RS1: variants seen among roughly 807,000 people sequenced by gnomAD.
The protein encoded by RS1 is retinoschisin.
RS1 carries 2 observed loss-of-function variants against 20.8 expected under a neutral mutation model. The observed-to-expected ratio is 0.10, with a 90% CI of 0.04 to 0.30. RS1 has a LOEUF of 0.30. RS1 is among the 10% of genes least tolerant of loss of function. RS1 has a pLI of 1.00. For synonymous variants in RS1, 70 were observed against 75.8 expected, an observed-to-expected ratio of 0.92 and a Z score of 0.40; for missense variants, 151 against 189.8, an observed-to-expected ratio of 0.80 and a Z score of 1.20.
intron 1 of RS1, among the ~76,000 whole-genome samples, chrX:18,666,876 G>A (rs752138127): frequency 9.0e-6 from 1 of 111,088 alleles, no homozygotes; most frequent in East Asian, 2.9e-4. Context: ...CGGGCGGAAG[G>A]GGAAGAAGGT....
intron 1 of RS1, among the ~76,000 whole-genome samples, chrX:18,667,358 A>C (rs1928421360): frequency 9.0e-6 from 1 of 110,924 alleles, no homozygotes; most frequent in African/African-American, 3.3e-5. Flanking sequence ...CAGCCTGGCC[A>C]AGGTGGTGAA....
At chrX:18,655,367 CAA>C (rs2147202500) in intron 3 of RS1, among the ~76,000 whole-genome samples, 1 of 112,036 alleles carries the variant, frequency 8.9e-6, no homozygotes, top group African/African-American at 3.2e-5. Context: ...CTTTCCAAGA[CAA>C]GAGCAGAATG....
intron 3 of RS1, chrX:18,650,557 G>A: frequency 3.3e-6 from 4 of 1,212,254 alleles, no homozygotes; most frequent in Non-Finnish European, 4.5e-6. Flanking sequence ...CAGGTCCGAG[G>A]CACTGATGCT....
At chrX:18,655,659 A>T (rs771168177) in intron 3 of RS1, among the ~76,000 whole-genome samples, 2 of 111,919 alleles carry the variant, frequency 1.8e-5, no homozygotes, top group Admixed American at 9.5e-5. Context: ...GGAAAGGGAG[A>T]GCTGAAGAGT....
At chrX:18,642,776 ACGC>A (rs1569228806) in intron 5 of RS1, among the ~76,000 whole-genome samples, 2 of 111,091 alleles carry the variant, frequency 1.8e-5, no homozygotes, top group Non-Finnish European at 3.8e-5. Flanking sequence ...GCAGTGGCTC[ACGC>A]CTGTAATCCC....
intron 3 of RS1, chrX:18,650,135 T>A (rs942220374): frequency 5.0e-6 from 2 of 398,036 alleles, no homozygotes; most frequent in African/African-American, 2.5e-5. Flanking sequence ...TCTTCCCAAA[T>A]AGCTCATCTA....
At chrX:18,666,124 T>C (rs764462962) in intron 1 of RS1, among the ~76,000 whole-genome samples, 163 of 111,097 alleles carry the variant, frequency 1.5e-3, no homozygotes, top group African/African-American at 5.1e-3. Flanking sequence ...GGAAAAGCAC[T>C]TGCCATCATA....
At chrX:18,671,571 T>C (rs1170112218) in intron 1 of RS1, among the ~76,000 whole-genome samples, 1 of 111,635 alleles carries the variant, frequency 9.0e-6, no homozygotes, top group Non-Finnish European at 1.9e-5. Context: ...AGGTTGACCT[T>C]ACACCCCAAT....
intron 1 of RS1, among the ~76,000 whole-genome samples, chrX:18,664,312 C>A (rs1053657973): frequency 2.7e-5 from 3 of 112,393 alleles, no homozygotes; most frequent in Admixed American, 9.4e-5. Flanking sequence ...GAAGCAGATA[C>A]ACCACATGGA....
Position 18,641,876 on chromosome X carries a change from T to G in RS1, c.*128A>C, listed in dbSNP as rs1467599613. On this transcript the variant is annotated 3_prime_UTR_variant, in exon 6 of 6. Coordinates refer to ENST00000379984, the MANE Select transcript of RS1 (RefSeq NM_000330.4). Reference sequence around the variant, plus strand: ...ATATCTTAAAAAAAAAAAAATTATCTACCCAGCACTGCAGTTACAATTGCT... The same window carrying G: ...ATATCTTAAAAAAAAAAAAATTATCGACCCAGCACTGCAGTTACAATTGCT... The G allele has an allele frequency of 1.5e-6, 1 of 648,175 alleles. No homozygotes were observed. The highest frequency in any genetic ancestry group is 2.2e-5 in the African/African-American group (1 of 44,552). 53.4% of individuals were successfully genotyped at this position (648,175 alleles called of 1,213,427 possible).
In RS1 at chrX:18,641,781, C is replaced by CTT; in HGVS notation, c.*221_*222dup. On this transcript the variant is annotated 3_prime_UTR_variant, in exon 6 of 6. Transcript: ENST00000379984. ...AGAAAATTCGTTTCGGGGACATTTTCTTTGTTCTGACTTTCTCTGGCCCTG... is the reference window on the plus strand; with the variant it reads ...AGAAAATTCGTTTCGGGGACATTTTCTTTTTGTTCTGACTTTCTCTGGCCCTG... 2.4e-6 allele frequency: 1 copy of CTT among 416,564 alleles called. No individual in the cohort carries two copies. Among genetic ancestry groups the CTT allele is most frequent in the Non-Finnish European group, 4.2e-6 (1 of 240,014 alleles). The allele number at this position is 416,564 out of a possible 1,213,427, so 34.3% of individuals were successfully genotyped here. A position where few individuals can be genotyped will look rare whatever the true frequency, so the allele number is the denominator to read the frequency against.
chrX:18,644,222 A>C (rs998155307), intron 5 of RS1, among the ~76,000 whole-genome samples: 3 of 111,995 alleles, frequency 2.7e-5, no homozygotes, highest in Non-Finnish European at 5.6e-5. Context: ...TTTTGAGCTT[A>C]AGAATAGCAT....
At chrX:18,647,540 G>T (rs1927836897) in intron 3 of RS1, 2 of 437,727 alleles carry the variant, frequency 4.6e-6, no homozygotes, top group Admixed American at 7.2e-5. Flanking sequence ...TAAAGGAATT[G>T]CCATAGAGAC....
At chrX:18,648,331 T>C (rs1927879081) in intron 3 of RS1, among the ~76,000 whole-genome samples, 1 of 110,426 alleles carries the variant, frequency 9.1e-6, no homozygotes, top group Non-Finnish European at 1.9e-5. Context: ...AACCTCTGCC[T>C]CCTGGGCTCA....
Position 18,642,099 on chromosome X carries a change from T to C in RS1, c.580A>G (p.Ile194Val), listed in dbSNP as rs1464991419. Residue 194 changes from isoleucine (I) to valine (V), a missense_variant, in exon 6 of 6, where the codon ATC becomes GTC. Ile to Val is a conservative substitution (Grantham distance 29, BLOSUM62 3). Coordinates refer to ENST00000379984, the MANE Select transcript of RS1 (RefSeq NM_000330.4). ...ATGAGGCGGATGAAGCGGGAGATGA[T>C]GGGGGGCCGCAGCAGGTTCTGAACC... ...STVQNLLRPP[I>V]ISRFIRLIPL... 3 of 1,211,329 alleles carry C rather than the reference T, an allele frequency of 2.5e-6. No individual in the cohort carries two copies. In the Admixed American group the frequency reaches 6.5e-5, roughly 26 times the overall value.
At chrX:18,657,714 T>C in intron 1 of RS1, 49 bp from the exon 2 acceptor site, 1 of 935,920 alleles carries the variant, frequency 1.1e-6, no homozygotes, top group Non-Finnish European at 1.5e-6. Context: ...GAAAGAGAAA[T>C]CCAACAGCAT....
chrX:18,643,829 A>AATATATATAT (rs755520723), intron 5 of RS1, among the ~76,000 whole-genome samples: 2 of 105,883 alleles, frequency 1.9e-5, no homozygotes, highest in African/African-American at 6.9e-5. Context: ...ATTCATAGCA[A>AATATATATAT]ATATATATAT....
chrX:18,665,432 C>T (rs1025779460), intron 1 of RS1, among the ~76,000 whole-genome samples: 3 of 111,396 alleles, frequency 2.7e-5, no homozygotes, highest in East Asian at 2.8e-4. Flanking sequence ...GCCCACCTCT[C>T]GGGATTTATG....
Position 18,647,344 on chromosome X carries a change from A to G in RS1, c.185-12T>C, listed in dbSNP as rs370600721. On this transcript the variant is annotated splice_polypyrimidine_tract_variant and intron_variant, in intron 3 of 5. Coordinates refer to ENST00000379984, the MANE Select transcript of RS1 (RefSeq NM_000330.4). ...GTGATATGGGCATTCTGGGAAAGGA[A>G]AAAGAATTCACATTCACACATATCT... 2.8e-5 allele frequency: 34 copies of G among 1,207,297 alleles called. No homozygotes were observed. The African/African-American group carries it at 3.5e-4, about 12-fold the overall frequency.
Sources: gnomAD v4.1 joint callset for allele counts (sites outside exome capture counted in the v4.1 genomes callset) on GRCh38, gnomAD v4.1.1 for gene constraint, MANE v1.5 for transcripts, NCBI Gene and HGNC (gene_info 2026-07-23, HGNC 2026-07-21) for gene names.